Variants in ZNF169 observed in about 807,000 individuals in gnomAD.
The protein encoded by ZNF169 is zinc finger protein 169.
A neutral mutation model predicts 12.0 loss-of-function variants in ZNF169; 11 were observed. The observed-to-expected ratio is 0.92, with a 90% CI of 0.58 to 1.52. ZNF169 has a LOEUF of 1.52. Ranked by LOEUF, ZNF169 falls within the 40% of genes most tolerant of loss-of-function variation. The probability of loss-of-function intolerance (pLI) is 0.00; values close to 1 mark genes in which losing one functional copy is unlikely to be tolerated. For missense variants in ZNF169, 722 were observed against 744.0 expected (o/e 0.97, Z 0.34); for synonymous variants, 302 against 286.5 (o/e 1.05, Z -0.55).
chr9:94,263,823 G>A (rs1252437547), intron 1 of ZNF169, among the ~76,000 whole-genome samples: 1 of 142,716 alleles, frequency 7.0e-6, no homozygotes, highest in Non-Finnish European at 1.6e-5. Flanking sequence ...CCTTCTTTGG[G>A]CCAATTGAAT....
At chr9:94,270,987 CAAATAATATATTATATATT>C (rs1830410993) in intron 1 of ZNF169, among the ~76,000 whole-genome samples, 1 of 3,360 alleles carries the variant, frequency 3.0e-4, no homozygotes, top group Admixed American at 7.2e-3. Flanking sequence ...TATAAATATA[CAAATAATATATTATATATT>C]ATATAAATAT....
At position 94,301,090 on chromosome 9, in the gene ZNF169, A is replaced by G. The variant is rs1831062812; in HGVS notation, c.1532A>G (p.Glu511Gly). ...LTRHQRTHSE[E>G]ELYVDRVCGQ... is the part of the protein sequence containing the mutation. ...CGACACCAGAGGACACACTCAGAGG[A>G]GGAGCTTTACGTAGACAGGGTGTGT... Residue 511 changes from glutamate to glycine, a missense_variant, in exon 5 of 5, where the codon GAG (glutamate) becomes GGG (glycine). Transcript: ENST00000395395. The G allele has an allele frequency of 6.2e-7, 1 of 1,614,044 alleles. No homozygotes were observed. Among genetic ancestry groups the G allele is most frequent in the African/African-American group, 1.3e-5 (1 of 74,914 alleles).
chr9:94,298,646 A>G (rs1231926574), intron 4 of ZNF169, among the ~76,000 whole-genome samples: 3 of 150,832 alleles, frequency 2.0e-5, no homozygotes, highest in Admixed American at 6.7e-5. Context: ...CTGAGACAGG[A>G]GAATTGCTTG....
chr9:94,270,670 C>T (rs181349368), intron 1 of ZNF169, among the ~76,000 whole-genome samples: 38,086 of 86,412 alleles, frequency 0.44, 7,907 homozygotes, highest in Middle Eastern at 0.56. Flanking sequence ...AATATATATA[C>T]TATATAAATA....
chr9:94,289,714 C>T (rs1830793497), intron 2 of ZNF169, among the ~76,000 whole-genome samples: 1 of 152,002 alleles, frequency 6.6e-6, no homozygotes, highest in Admixed American at 6.6e-5. Context: ...CACTTGCATT[C>T]GGGAGGCAGA....
intron 1 of ZNF169, among the ~76,000 whole-genome samples, chr9:94,266,825 T>C (rs10821327): frequency 0.19 from 29,600 of 152,070 alleles, 3,209 homozygotes; most frequent in East Asian, 0.38. Flanking sequence ...TATTAAAAGA[T>C]AAATCATGGT....
chr9:94,301,033 G>T lies in ZNF169; in HGVS notation c.1475G>T (p.Gly492Val). 6.2e-7 allele frequency: 1 copy of T among 1,614,136 alleles called. No individual in the cohort carries two copies. Residue 492 changes from glycine to valine, a missense_variant, in exon 5 of 5, where the codon GGG becomes GTG. By Grantham distance (109) the Gly-to-Val change is moderately radical. Coordinates refer to ENST00000395395, the MANE Select transcript of ZNF169 (RefSeq NM_194320.4). Reference protein sequence around the residue: ...GEKPYLCPKCGRAFGFKSLLT... With the variant: ...GEKPYLCPKCVRAFGFKSLLT... Reference sequence around the variant, plus strand: ...AAGCCTTATCTGTGCCCCAAGTGTGGGCGTGCATTTGGCTTTAAGTCGCTC... The same window carrying T: ...AAGCCTTATCTGTGCCCCAAGTGTGTGCGTGCATTTGGCTTTAAGTCGCTC...
rs182343237 is a variant in ZNF169, at chr9:94,261,292, G to A, written c.-56+1947G>A. 4.0e-3 allele frequency among the ~76,000 whole-genome samples: 611 copies of A among 152,132 alleles called. 6 individuals are homozygous for A. Among genetic ancestry groups the A allele is most frequent in the African/African-American group, 0.014 (578 of 41,494 alleles). On this transcript the variant is annotated intron_variant, in intron 1 of 4. Transcript: ENST00000395395. ...CCCGCCTCGGCCTCCCAAAGTGCTG[G>A]GATTTCAGGCGTGAGCCACCGCACC...
chr9:94,275,582 A>G (rs921431804), intron 1 of ZNF169, among the ~76,000 whole-genome samples: 2 of 152,084 alleles, frequency 1.3e-5, no homozygotes, highest in Non-Finnish European at 2.9e-5. Context: ...AACTATGATT[A>G]TGCATTGGTC....
intron 2 of ZNF169, chr9:94,288,412 G>A: frequency 7.9e-7 from 1 of 1,264,696 alleles, no homozygotes. Flanking sequence ...CTCAGTGTTG[G>A]CTGAGCCTGA....
At chr9:94,286,536 G>A (rs375358485) in intron 2 of ZNF169, among the ~76,000 whole-genome samples, 3 of 151,990 alleles carry the variant, frequency 2.0e-5, no homozygotes, top group Non-Finnish European at 4.4e-5. Context: ...GATTTTTGAG[G>A]TTTCAATATT....
chr9:94,300,451 A>C lies in ZNF169; in HGVS notation c.893A>C (p.His298Pro), dbSNP rs144779935. The C allele has an allele frequency of 2.4e-5, 39 of 1,613,714 alleles. No individual in the cohort carries two copies. In the African/African-American group the frequency reaches 4.1e-4, roughly 17 times the overall value. Residue 298 changes from histidine to proline, a missense_variant, in exon 5 of 5, where the codon CAC (histidine) becomes CCC (proline). His to Pro is a moderately conservative substitution (Grantham distance 77). Transcript: ENST00000395395. ...KPYVCRECGR[H>P]FRYTSSLTNH... ...TATGTGTGCAGGGAATGTGGGCGACACTTCAGGTATACATCCTCTCTCACT... is the reference window on the plus strand; with the variant it reads ...TATGTGTGCAGGGAATGTGGGCGACCCTTCAGGTATACATCCTCTCTCACT...
In ZNF169 at chr9:94,300,636, T is replaced by C; in HGVS notation, c.1078T>C (p.Ser360Pro). The C allele has an allele frequency of 6.2e-7, 1 of 1,613,686 alleles. No individual in the cohort carries two copies. Among genetic ancestry groups the C allele is most frequent in the Non-Finnish European group, 8.5e-7 (1 of 1,179,892 alleles). Residue 360 changes from serine to proline, a missense_variant, in exon 5 of 5, where the codon TCA (serine) becomes CCA (proline). Physicochemically the swap from Ser to Pro is moderately conservative, Grantham distance 74 (BLOSUM62 -1). Coordinates refer to ENST00000395395, the MANE Select transcript of ZNF169 (RefSeq NM_194320.4). The stretch of plus-strand genomic sequence containing the variant: ...TGGGAGAGGCTTTTGCCAGAAGGCA[T>C]CACTCCTCCAGCACCAGAGCTCACA... Reference protein sequence around the residue: ...ECGRGFCQKASLLQHQSSHTG... With the variant: ...ECGRGFCQKAPLLQHQSSHTG...
At chr9:94,270,880 TATATAA>T (rs1564083615) in intron 1 of ZNF169, among the ~76,000 whole-genome samples, 4 of 44,110 alleles carry the variant, frequency 9.1e-5, no homozygotes, top group African/African-American at 3.8e-4. Flanking sequence ...TATATTATAT[TATATAA>T]ATATATATAA....
chr9:94,299,784 G>A (rs760675038), intron 4 of ZNF169, 31 bp from the exon 5 acceptor site: 4 of 1,581,958 alleles, frequency 2.5e-6, no homozygotes, highest in Non-Finnish European at 3.4e-6. Context: ...GTCACCTGTG[G>A]TGATTCTGAC....
chr9:94,267,433 C>G lies in ZNF169; in HGVS notation c.-56+8088C>G, dbSNP rs995605280. On this transcript the variant is annotated intron_variant, in intron 1 of 4. Transcript: ENST00000395395. ...CAGTTTTTCCAATTGTGTCCTGTTA[C>G]AAAAGAAAACAGATTCTTATTGCAC... Among the ~76,000 whole-genome samples the G allele has an allele frequency of 8.5e-5, 13 of 152,106 alleles. 1 individual carries two copies. Among genetic ancestry groups the G allele is most frequent in the Admixed American group, 4.6e-4 (7 of 15,264 alleles).
At chr9:94,297,579 T>C (rs1279345675) in intron 4 of ZNF169, among the ~76,000 whole-genome samples, 1 of 152,248 alleles carries the variant, frequency 6.6e-6, no homozygotes, top group Non-Finnish European at 1.5e-5. Flanking sequence ...AAGTTCCCTC[T>C]TGCAGATATG....
intron 1 of ZNF169, among the ~76,000 whole-genome samples, chr9:94,271,055 T>TA (rs1367405373): frequency 7.8e-6 from 1 of 127,536 alleles, no homozygotes; most frequent in African/African-American, 3.0e-5. Context: ...TATAAATATA[T>TA]ATATATTTGC....
At chr9:94,293,409 T>A (rs1448396138) in intron 4 of ZNF169, 1 of 580,934 alleles carries the variant, frequency 1.7e-6, no homozygotes, top group African/African-American at 1.9e-5. Flanking sequence ...TGCCCCTGGT[T>A]TTTTATTTTT....
Sources: allele counts gnomAD v4.1 joint callset (sites outside exome capture counted in the v4.1 genomes callset), GRCh38; gene constraint gnomAD v4.1.1; transcripts MANE v1.5; gene names NCBI Gene and HGNC (gene_info 2026-07-23, HGNC 2026-07-21).